Variants in WDR17 observed in about 807,000 individuals in gnomAD.
The protein encoded by WDR17 is WD repeat domain 17, also known as WD repeat-containing protein 17.
In WDR17, 143 loss-of-function variants were observed where a neutral mutation model predicts 161.7. The ratio of observed to expected loss-of-function variants is 0.88; its 90% confidence interval spans 0.77 to 1.02. The LOEUF is 1.02. Among genes scored for constraint, WDR17 ranks in the 50% least tolerant of loss-of-function variants. The probability of loss-of-function intolerance (pLI) is 0.00; values close to 1 mark genes in which losing one functional copy is unlikely to be tolerated. For synonymous variants in WDR17, 517 were observed against 515.6 expected (o/e 1.00, Z -0.04); for missense variants, 1,469 against 1,520.9 (o/e 0.97, Z 0.57).
intron 23 of WDR17, among the ~76,000 whole-genome samples, chr4:176,171,121 G>A (rs1389918865): frequency 2.6e-5 from 4 of 152,174 alleles, no homozygotes; most frequent in South Asian, 4.1e-4. Context: ...TCTACTGAAT[G>A]CATGTTGCTT....
Position 176,180,918 on chromosome 4 carries a change from A to G in WDR17, c.*1339A>G, listed in dbSNP as rs1561231439. The G allele has an allele frequency of 6.6e-6, 1 of 152,182 alleles. No individual in the cohort carries two copies. The highest frequency in any genetic ancestry group is 2.4e-5 in the African/African-American group (1 of 41,448). 9.4% of individuals were successfully genotyped at this position (152,182 alleles called of 1,614,324 possible). On this transcript the variant is annotated 3_prime_UTR_variant, in exon 29 of 29. Transcript: ENST00000508596. ...GAATTCTGACTTTGAAACTTATTAA[A>G]TTAATGCATACTGGAAGTACTTTGA...
At chr4:176,126,743 A>G (rs1001538360) in intron 5 of WDR17, among the ~76,000 whole-genome samples, 30 of 152,226 alleles carry the variant, frequency 2.0e-4, no homozygotes, top group African/African-American at 6.3e-4. Flanking sequence ...ATGATCCCCA[A>G]CTGTCAAGGC....
chr4:176,108,634 T>C (rs778695847), intron 1 of WDR17, among the ~76,000 whole-genome samples: 9 of 151,790 alleles, frequency 5.9e-5, no homozygotes, highest in Non-Finnish European at 1.0e-4. Flanking sequence ...CGGTGCTGAG[T>C]GTTAATAGTG....
In WDR17 at chr4:176,173,854, T is replaced by G. The variant is rs368610044; in HGVS notation, c.3347+485T>G. On this transcript the variant is annotated intron_variant, in intron 25 of 28. Coordinates refer to ENST00000508596, the MANE Select transcript of WDR17 (RefSeq NM_181265.4). ...TAAGAAAAAAAATGTAGAGGTCAAC[T>G]TGAAACAGAGTATTAAATATTAGTG... Among the ~76,000 whole-genome samples the G allele has an allele frequency of 8.6e-5, 13 of 151,490 alleles. No individual in the cohort carries two copies. The East Asian group carries it at 1.2e-3, about 14-fold the overall frequency.
chr4:176,177,025 T>C (rs1182502031), intron 26 of WDR17, 33 bp from the exon 27 acceptor site: 17 of 1,483,894 alleles, frequency 1.1e-5, no homozygotes, highest in Non-Finnish European at 1.6e-5. Flanking sequence ...TAGTTTTTGG[T>C]ATCAGATGTT....
At chr4:176,092,057 A>C (rs1034078516) in intron 1 of WDR17, among the ~76,000 whole-genome samples, 1 of 152,184 alleles carries the variant, frequency 6.6e-6, no homozygotes. Flanking sequence ...AAATTATTCT[A>C]TAAAATAGAG....
intron 8 of WDR17, among the ~76,000 whole-genome samples, chr4:176,136,795 T>G (rs1384298496): frequency 2.6e-5 from 4 of 151,588 alleles, no homozygotes; most frequent in Admixed American, 6.6e-5. Context: ...TTTAAAAATG[T>G]TAGAAATATG....
intron 7 of WDR17, among the ~76,000 whole-genome samples, chr4:176,133,501 T>C (rs1487164349): frequency 3.3e-5 from 5 of 151,146 alleles, no homozygotes; most frequent in Admixed American, 3.3e-4. Context: ...CTATGTTAAT[T>C]TATAATTCTA....
At chr4:176,169,208 A>G (rs1338924887) in intron 23 of WDR17, among the ~76,000 whole-genome samples, 1 of 152,192 alleles carries the variant, frequency 6.6e-6, no homozygotes, top group Non-Finnish European at 1.5e-5. Flanking sequence ...AGAATCCTTA[A>G]AAGAATTAAT....
At chr4:176,115,345 T>TCATTG (rs1171626181) in intron 2 of WDR17, among the ~76,000 whole-genome samples, 2 of 151,946 alleles carry the variant, frequency 1.3e-5, no homozygotes. Context: ...GTGAATGACA[T>TCATTG]CATTGCTCTG....
intron 1 of WDR17, among the ~76,000 whole-genome samples, chr4:176,090,969 C>T (rs947830207): frequency 6.6e-6 from 1 of 152,154 alleles, no homozygotes; most frequent in Admixed American, 6.5e-5. Context: ...CTTAAGAACG[C>T]CTTAAGTGGT....
chr4:176,151,747 A>G, intron 16 of WDR17, 65 bp from the exon 17 acceptor site: 1 of 1,360,672 alleles, frequency 7.3e-7, no homozygotes, highest in African/African-American at 1.5e-5. Context: ...GCAACAAATT[A>G]TTGTGACACA....
intron 7 of WDR17, 33 bp downstream of exon 7, chr4:176,131,771 A>G (rs979873865): frequency 2.0e-6 from 3 of 1,472,712 alleles, no homozygotes; most frequent in Non-Finnish European, 2.7e-6. Flanking sequence ...ATTATACATA[A>G]TAGTTTTTTG....
At chr4:176,125,402 C>A in intron 5 of WDR17, 47 bp downstream of exon 5, 1 of 1,568,340 alleles carries the variant, frequency 6.4e-7, no homozygotes, top group Non-Finnish European at 8.6e-7. Context: ...TGTATATATT[C>A]TTTCGTTGAA....
At chr4:176,112,863 T>C (rs960574266) in intron 2 of WDR17, among the ~76,000 whole-genome samples, 2 of 152,136 alleles carry the variant, frequency 1.3e-5, no homozygotes, top group African/African-American at 4.8e-5. Context: ...TTATTTTAGT[T>C]AAGACTATCT....
intron 1 of WDR17, among the ~76,000 whole-genome samples, chr4:176,101,158 CT>C (rs1263966515): frequency 2.0e-5 from 3 of 152,060 alleles, no homozygotes; most frequent in Non-Finnish European, 4.4e-5. Flanking sequence ...CAGAGCGTAA[CT>C]CTGGGGTTTT....
At chr4:176,094,648 C>A (rs1736583394) in intron 1 of WDR17, among the ~76,000 whole-genome samples, 1 of 152,114 alleles carries the variant, frequency 6.6e-6, no homozygotes, top group Non-Finnish European at 1.5e-5. Context: ...TTAGTTTGTA[C>A]AGGACACAGT....
intron 11 of WDR17, among the ~76,000 whole-genome samples, chr4:176,142,956 G>A (rs1179460373): frequency 6.6e-6 from 1 of 152,184 alleles, no homozygotes. Flanking sequence ...CTCGGCTCAC[G>A]GCAACCTCCG....
chr4:176,137,371 T>C, intron 8 of WDR17, 149 bp from the exon 9 acceptor site: 1 of 579,016 alleles, frequency 1.7e-6, no homozygotes, highest in Admixed American at 3.1e-5. Context: ...ATTTTATCTA[T>C]AATTTTATAC....
Sources: allele counts gnomAD v4.1 joint callset (sites outside exome capture counted in the v4.1 genomes callset), GRCh38; gene constraint gnomAD v4.1.1; transcripts MANE v1.5; gene names NCBI Gene and HGNC (gene_info 2026-07-23, HGNC 2026-07-21).